NT5DC4: variants seen among roughly 807,000 people sequenced by gnomAD.
NT5DC4 encodes the protein 5'-nucleotidase domain-containing protein 4.
In NT5DC4, 44 loss-of-function variants were observed where a neutral mutation model predicts 26.6. That is an observed-to-expected ratio of 1.65 (90% CI 1.30 to 2.13). The LOEUF (loss-of-function observed/expected upper bound fraction) is 2.13. Ranked by LOEUF, NT5DC4 falls within the 30% of genes most tolerant of loss-of-function variation. NT5DC4 has a pLI of 0.00. For missense variants in NT5DC4, 399 were observed against 228.1 expected (o/e 1.75, Z -4.83); for synonymous variants, 157 against 86.7 (o/e 1.81, Z -4.51).
chr2:112,741,940 GTTTTTTT>G (rs57634251), downstream of NT5DC4, among the ~76,000 whole-genome samples: 14 of 71,900 alleles, frequency 1.9e-4, 1 homozygote, highest in Admixed American at 5.9e-4. Flanking sequence ...TTTCTTTTCT[GTTTTTTT>G]TTTTTTTTTT....
At chr2:112,726,162 G>T in intron 13 of NT5DC4, 76 bp from the exon 14 acceptor site, 1 of 714,396 alleles carries the variant, frequency 1.4e-6, no homozygotes, top group South Asian at 1.5e-5. Flanking sequence ...GCTGGGCCAG[G>T]GCAGACACAG....
At chr2:112,730,543 T>C (rs1405574148) in intron 16 of NT5DC4, among the ~76,000 whole-genome samples, 1 of 152,126 alleles carries the variant, frequency 6.6e-6, no homozygotes. Flanking sequence ...TCAGATCCCT[T>C]TGACACTTTG....
At chr2:112,722,330 C>A in intron 4 of NT5DC4, 52 bp downstream of exon 4, 2 of 716,056 alleles carry the variant, frequency 2.8e-6, no homozygotes, top group East Asian at 2.7e-5. Context: ...GAGGACTGCT[C>A]ACCTTGGGGG....
chr2:112,740,900 G>A (rs1679895201), downstream of NT5DC4: 1 of 1,613,774 alleles, frequency 6.2e-7, no homozygotes. Context: ...GCCGTGACTT[G>A]TTCCCTCTCT....
upstream of NT5DC4, among the ~76,000 whole-genome samples, chr2:112,718,992 T>C (rs1676610601): frequency 1.3e-5 from 2 of 152,220 alleles, no homozygotes; most frequent in South Asian, 4.1e-4. Context: ...CTCCATATCC[T>C]TGCCTCACCA....
downstream of NT5DC4, chr2:112,742,285 T>C (rs984136014): frequency 2.8e-5 from 19 of 684,684 alleles, no homozygotes; most frequent in Non-Finnish European, 4.6e-5. Flanking sequence ...CTGACAGTGA[T>C]GGTCATCCAA....
intron 16 of NT5DC4, among the ~76,000 whole-genome samples, chr2:112,732,425 G>A (rs1051143246): frequency 2.0e-5 from 3 of 148,988 alleles, no homozygotes; most frequent in Non-Finnish European, 4.5e-5. Flanking sequence ...TACAGGGGCA[G>A]GTTCTCCAGT....
chr2:112,723,050 G>A (rs777390271), intron 6 of NT5DC4, 31 bp from the exon 7 acceptor site: 18 of 695,762 alleles, frequency 2.6e-5, no homozygotes, highest in Middle Eastern at 2.3e-4. Context: ...CCCCCTTATT[G>A]GCCTCCCCGT....
upstream of NT5DC4, among the ~76,000 whole-genome samples, chr2:112,719,938 C>CTTTCTT (rs1558714930): frequency 1.2e-3 from 102 of 83,680 alleles, no homozygotes; most frequent in African/African-American, 5.0e-3. Flanking sequence ...TTCTTTCTTT[C>CTTTCTT]TTTCTTTCTT....
At chr2:112,723,687 C>T in intron 8 of NT5DC4, 32 bp from the exon 9 acceptor site, 2 of 714,260 alleles carry the variant, frequency 2.8e-6, no homozygotes, top group Middle Eastern at 4.6e-4. Flanking sequence ...CTGGGAGTCC[C>T]ACCCCTGCAA....
upstream of NT5DC4, among the ~76,000 whole-genome samples, chr2:112,720,196 T>C (rs1364426300): frequency 7.0e-6 from 1 of 142,632 alleles, no homozygotes; most frequent in Middle Eastern, 3.5e-3. Flanking sequence ...ATTTTTTTTT[T>C]CTCCTGCCTC....
downstream of NT5DC4, among the ~76,000 whole-genome samples, chr2:112,740,576 C>T (rs1679856766): frequency 6.6e-6 from 1 of 152,154 alleles, no homozygotes; most frequent in South Asian, 2.1e-4. Context: ...CCCAACCATA[C>T]CCAGCTGTGT....
At chr2:112,737,554 TG>T (rs1679384208) in intron 16 of NT5DC4, 1 of 152,238 alleles carries the variant, frequency 6.6e-6, no homozygotes, top group Admixed American at 6.5e-5. Context: ...TCAGGTCCTT[TG>T]CCCATTTTTA....
At chr2:112,730,573 G>A (rs1024926298) in intron 16 of NT5DC4, among the ~76,000 whole-genome samples, 1 of 152,134 alleles carries the variant, frequency 6.6e-6, no homozygotes, top group Non-Finnish European at 1.5e-5. Context: ...ACCCGCGTCT[G>A]AGCTGAGACA....
At chr2:112,734,652 T>C (rs59509339) in intron 16 of NT5DC4, among the ~76,000 whole-genome samples, 4,650 of 152,242 alleles carry the variant, frequency 0.031, 248 homozygotes, top group African/African-American at 0.11. Flanking sequence ...TTCTTAACCA[T>C]GTAGATTGTC....
chr2:112,730,119 C>T (rs1165838742), intron 16 of NT5DC4, among the ~76,000 whole-genome samples: 1 of 151,902 alleles, frequency 6.6e-6, no homozygotes, highest in Non-Finnish European at 1.5e-5. Flanking sequence ...TCGAGACCAG[C>T]CTGGCCAACA....
chr2:112,738,153 G>A (rs1203727646), intron 16 of NT5DC4: 4 of 152,144 alleles, frequency 2.6e-5, no homozygotes, highest in Non-Finnish European at 5.9e-5. Context: ...GTTACTTGAA[G>A]TGTTTCTGAG....
In NT5DC4 at chr2:112,722,772, G is replaced by A. The variant is rs1677079995; in HGVS notation, c.527+1G>A. ...TCTCTGGCTGCTCCCGTTACACTAA[G>A]TGCGTCTTGTGCCCTGCCCAGCCCT... On this transcript the variant is annotated splice_donor_variant, in intron 6 of 16. Transcript: ENST00000688554. LOFTEE classifies it high-confidence loss of function. The A allele has an allele frequency of 2.8e-6, 2 of 717,550 alleles. No homozygotes were observed. The allele number at this position is 717,550 out of a possible 1,614,324, so 44.4% of individuals were successfully genotyped here.
intron 15 of NT5DC4, 78 bp downstream of exon 15, chr2:112,726,816 G>T (rs1677802944): frequency 2.8e-6 from 2 of 714,562 alleles, no homozygotes; most frequent in Admixed American, 2.0e-5. Flanking sequence ...CTTGCCTGTC[G>T]GCTTTGTCCT....
Sources: gnomAD v4.1 joint callset for allele counts (sites outside exome capture counted in the v4.1 genomes callset) on GRCh38, gnomAD v4.1.1 for gene constraint, MANE v1.5 for transcripts, NCBI Gene and HGNC (gene_info 2026-07-23, HGNC 2026-07-21) for gene names.